The following PRAMEF2 variants were observed in gnomAD, a reference collection of about 807,000 sequenced individuals.
PRAMEF2 encodes PRAME family member 2.
Under a neutral mutation model 38.0 loss-of-function variants are expected in PRAMEF2, and 35 were observed. The ratio of observed to expected loss-of-function variants is 0.92; its 90% confidence interval spans 0.70 to 1.22. The LOEUF (loss-of-function observed/expected upper bound fraction) is 1.22. Ranked by LOEUF, PRAMEF2 falls within the 50% of genes most tolerant of loss-of-function variation. The pLI is 0.00. For missense variants in PRAMEF2, 562 were observed against 553.9 expected, an observed-to-expected ratio of 1.01 and a Z score of -0.15; for synonymous variants, 240 against 232.4, an observed-to-expected ratio of 1.03 and a Z score of -0.30.
rs1181673305 is a variant in PRAMEF2 at position 12,857,706 on chromosome 1, AT to A, written c.-26+569del. Among the ~76,000 whole-genome samples the A allele has an allele frequency of 1.3e-4, 18 of 136,292 alleles. 2 individuals are homozygous for A. Among genetic ancestry groups the A allele is most frequent in the Non-Finnish European group, 2.1e-4 (13 of 63,120 alleles). 89.4% of individuals were successfully genotyped at this position (136,292 alleles called of 152,430 possible). On this transcript the variant is annotated intron_variant, in intron 1 of 3. Transcript: ENST00000240189. ...GTAGCACTTTTACAGTTTCTGGTTGATTTTTTTTTTGAGATGGAGTTTCCCT... is the reference window on the plus strand; with the variant it reads ...GTAGCACTTTTACAGTTTCTGGTTGATTTTTTTTTGAGATGGAGTTTCCCT...
rs1321280866 is a variant in PRAMEF2 at position 12,861,280 on chromosome 1, A to G, written c.926A>G (p.Asp309Gly). The G allele has an allele frequency of 6.2e-7, 1 of 1,607,544 alleles. No homozygotes were observed. ...ACTTGTGGCAACCTATTAGAAGAGG[A>G]CTTGAAGTGTCTCTCCCAGTTCCCA... ...ELTCGNLLEEDLKCLSQFPSL... is the reference protein window; with the variant it reads ...ELTCGNLLEEGLKCLSQFPSL... Residue 309 changes from aspartate (D) to glycine (G), a missense_variant, in exon 4 of 4, where the codon GAC becomes GGC. Around this residue, in one of 2 missense-constraint regions of PRAMEF2, gnomAD observed 486 missense variants for 444.2 expected, o/e 1.09. Transcript: ENST00000240189.
chr1:12,858,738 T>C (rs1640485666), intron 1 of PRAMEF2, among the ~76,000 whole-genome samples: 1 of 149,778 alleles, frequency 6.7e-6, no homozygotes, highest in African/African-American at 2.4e-5. Flanking sequence ...TGGGATTCAG[T>C]GGAGCGAAGG....
chr1:12,858,248 A>C (rs1417790870), intron 1 of PRAMEF2, among the ~76,000 whole-genome samples: 1 of 149,602 alleles, frequency 6.7e-6, no homozygotes, highest in East Asian at 2.0e-4. Context: ...TATTTAAATT[A>C]ATTAATTTAT....
intron 1 of PRAMEF2, among the ~76,000 whole-genome samples, chr1:12,858,308 G>C (rs1356813761): frequency 2.0e-5 from 3 of 150,248 alleles, no homozygotes; most frequent in Admixed American, 6.8e-5. Context: ...CCAGGCTGGA[G>C]TGCAGTGGTG....
In PRAMEF2 at chr1:12,859,734, A is replaced by G. The variant is rs367740116; in HGVS notation, c.329A>G (p.Glu110Gly). ...LQVLDLRDVD[E>G]NFWARWPGAW... ...GTGCTGGATTTGCGGGATGTTGATG[A>G]GAATTTCTGGGCCAGATGGCCTGGA... Residue 110 changes from glutamate to glycine, a missense_variant, in exon 3 of 4, where the codon GAG becomes GGG. This residue lies in a region of PRAMEF2 where 486 missense variants were observed against 444.2 expected (regional missense o/e 1.09). Coordinates refer to ENST00000240189, the MANE Select transcript of PRAMEF2 (RefSeq NM_023014.1). 12 of 1,606,324 alleles carry G rather than the reference A, an allele frequency of 7.5e-6. No individual in the cohort carries two copies. The East Asian group carries it at 1.1e-4, about 15-fold the overall frequency.
chr1:12,860,211 T>C lies in PRAMEF2; in HGVS notation c.806T>C (p.Leu269Pro), dbSNP rs758749833. The C allele has an allele frequency of 8.1e-6, 13 of 1,606,842 alleles. 3 individuals carry two copies. In the African/African-American group the frequency reaches 1.8e-4, roughly 22 times the overall value. ...TCTGTGTTCCTCAGGCTGGAACACC[T>C]CCAGTTGCTTAAAATAAAATTGATC... is the stretch of plus-strand genomic sequence containing the variant. ...FTSVFLRLEH[L>P]QLLKIKLITF... The change falls in exon 3 of 4, where the codon CTC (leucine) becomes CCC (proline). Residue 269 changes from leucine (L) to proline (P), a missense_variant. Around this residue, in one of 2 missense-constraint regions of PRAMEF2, gnomAD observed 486 missense variants for 444.2 expected, o/e 1.09. Coordinates refer to ENST00000240189, the MANE Select transcript of PRAMEF2 (RefSeq NM_023014.1).
At chr1:12,857,680 G>A (rs1273566864) in intron 1 of PRAMEF2, among the ~76,000 whole-genome samples, 1 of 140,008 alleles carries the variant, frequency 7.1e-6, no homozygotes, top group East Asian at 2.0e-4. Context: ...AGAATAGCAT[G>A]GTAGCACTTT....
In PRAMEF2 at chr1:12,861,644, C is replaced by G. The variant is rs4350211; in HGVS notation, c.1290C>G (p.Phe430Leu). ...TGGTTCGTGTCAATTGGGAGATCTT[C>G]ACCCCACTTCGGGCTGAGCTGATGT... is the stretch of plus-strand genomic sequence containing the variant. The part of the protein sequence containing the change: ...NSLVRVNWEI[F>L]TPLRAELMCT... The change falls in exon 4 of 4, where the codon TTC (phenylalanine) becomes TTG (leucine). Residue 430 changes from phenylalanine (F) to leucine (L), a missense_variant. Around this residue, in one of 2 missense-constraint regions of PRAMEF2, gnomAD observed 76 missense variants for 109.6 expected, o/e 0.69. Coordinates refer to ENST00000240189, the MANE Select transcript of PRAMEF2 (RefSeq NM_023014.1). 1.7e-3 allele frequency: 2,669 copies of G among 1,591,270 alleles called. 96 individuals carry two copies. The African/African-American group carries it at 0.026, about 15-fold the overall frequency.
chr1:12,859,801 G>A lies in PRAMEF2; in HGVS notation c.396G>A (p.Arg132=), dbSNP rs1258357198. The A allele has an allele frequency of 5.6e-6, 9 of 1,607,182 alleles. No individual in the cohort carries two copies. The highest frequency in any genetic ancestry group is 5.1e-5 in the Admixed American group (3 of 58,366). The change falls in exon 3 of 4, where the codon AGG becomes AGA. Residue 132 remains arginine (R), a synonymous_variant. Transcript: ENST00000240189. ...GCTTCCCAGAGGCCATGAGTAAGAG[G>A]CAGACAGCAGAGGACTGTCCAAGGA... ...LSCFPEAMSK[R]QTAEDCPRTG...
At position 12,859,863 on chromosome 1, in the gene PRAMEF2, T is replaced by A. The variant is rs552729034; in HGVS notation, c.458T>A (p.Ile153Asn). Reference sequence around the variant, plus strand: ...CAGCCCTTAAAGGTGTTCATAGACATCTGCCTCAAGGAAATACCCCAGGAT... The same window carrying A: ...CAGCCCTTAAAGGTGTTCATAGACAACTGCCTCAAGGAAATACCCCAGGAT... ...EHQPLKVFID[I>N]CLKEIPQDEC... is the part of the protein sequence containing the mutation. Residue 153 changes from isoleucine (I) to asparagine (N), a missense_variant, in exon 3 of 4, where the codon ATC becomes AAC. By Grantham distance (149) the Ile-to-Asn change is moderately radical. Coordinates refer to ENST00000240189, the MANE Select transcript of PRAMEF2 (RefSeq NM_023014.1). 1.6e-4 allele frequency: 264 copies of A among 1,607,856 alleles called. 30 individuals are homozygous for A. The Admixed American group carries it at 4.4e-3, about 27-fold the overall frequency.
chr1:12,860,042 C>A lies in PRAMEF2; in HGVS notation c.637C>A (p.His213Asn), dbSNP rs778765015. Residue 213 changes from histidine (H) to asparagine (N), a missense_variant, in exon 3 of 4, where the codon CAC becomes AAC. Physicochemically the swap from His to Asn is moderately conservative, Grantham distance 68. This residue lies in a region of PRAMEF2 where 486 missense variants were observed against 444.2 expected (regional missense o/e 1.09). Transcript: ENST00000240189. ...YINSIGELEI[H>N]NTCWPHLIRK... ...TAATAGTATTGGGGAGCTGGAAATTCACAACACGTGCTGGCCACATCTGAT... is the reference window on the plus strand; with the variant it reads ...TAATAGTATTGGGGAGCTGGAAATTAACAACACGTGCTGGCCACATCTGAT... 2.5e-6 allele frequency: 4 copies of A among 1,606,374 alleles called. No individual in the cohort carries two copies. The East Asian group carries it at 9.0e-5, about 36-fold the overall frequency.
rs201144653 is a variant in PRAMEF2, at chr1:12,860,284, T to G, written c.866+13T>G. The stretch of plus-strand genomic sequence containing the variant: ...AACAGCTGATCAGGTGAGAAAGGAT[T>G]GTGCACTTTGTATGCAGACCACAGC... On this transcript the variant is annotated intron_variant, in intron 3 of 3. Coordinates refer to ENST00000240189, the MANE Select transcript of PRAMEF2 (RefSeq NM_023014.1). 4 of 1,589,452 alleles carry G rather than the reference T, an allele frequency of 2.5e-6. 1 individual carries two copies. In the African/African-American group the frequency reaches 5.5e-5, roughly 22 times the overall value.
Position 12,859,026 on chromosome 1 carries a change from C to G in PRAMEF2, c.17C>G (p.Pro6Arg), listed in dbSNP as rs1336073077. 1 of 1,603,686 alleles carries G rather than the reference C, an allele frequency of 6.2e-7. No homozygotes were observed. The highest frequency in any genetic ancestry group is 1.7e-5 in the Admixed American group (1 of 57,414). MSIQA[P>R]PRLLELAGQS... ...TCCATCAGGATGAGCATCCAGGCCC[C>G]ACCGAGACTACTGGAGCTGGCGGGG... The change falls in exon 2 of 4, where the codon CCA becomes CGA. Residue 6 changes from proline to arginine, a missense_variant. Physicochemically the swap from Pro to Arg is moderately radical, Grantham distance 103 (BLOSUM62 -2). Transcript: ENST00000240189.
At chr1:12,858,376 A>G (rs1640480465) in intron 1 of PRAMEF2, among the ~76,000 whole-genome samples, 2 of 150,058 alleles carry the variant, frequency 1.3e-5, no homozygotes, top group Non-Finnish European at 3.0e-5. Context: ...TAACTTTTGT[A>G]TATTTAGTAG....
chr1:12,859,251 T>C lies in PRAMEF2; in HGVS notation c.242T>C (p.Leu81Ser). ...KTLHLEPLKALLEGLHMLLTQ... is the reference protein window; with the variant it reads ...KTLHLEPLKASLEGLHMLLTQ... ...CTTCATCTGGAGCCATTGAAAGCAT[T>C]GCTGGAAGGGCTTCATATGCTGCTT... The change falls in exon 2 of 4, where the codon TTG becomes TCG. Residue 81 changes from leucine (L) to serine (S), a missense_variant. Physicochemically the swap from Leu to Ser is moderately radical, Grantham distance 145. This residue lies in a region of PRAMEF2 where 486 missense variants were observed against 444.2 expected (regional missense o/e 1.09). Transcript: ENST00000240189. 6.2e-7 allele frequency: 1 copy of C among 1,610,454 alleles called. No homozygotes were observed. Among genetic ancestry groups the C allele is most frequent in the Non-Finnish European group, 8.5e-7 (1 of 1,178,782 alleles).
rs200248611 is a variant in PRAMEF2, at chr1:12,859,763, T to C, written c.358T>C (p.Trp120Arg). 1 of 1,594,820 alleles carries C rather than the reference T, an allele frequency of 6.3e-7. No individual in the cohort carries two copies. Among genetic ancestry groups the C allele is most frequent in the Non-Finnish European group, 8.6e-7 (1 of 1,169,292 alleles). Residue 120 changes from tryptophan (W) to arginine (R), a missense_variant, in exon 3 of 4, where the codon TGG becomes CGG. Coordinates refer to ENST00000240189, the MANE Select transcript of PRAMEF2 (RefSeq NM_023014.1). ...ENFWARWPGA[W>R]ALSCFPEAMS... is the part of the protein sequence containing the mutation. ...TTTCTGGGCCAGATGGCCTGGAGCC[T>C]GGGCCCTGTCCTGCTTCCCAGAGGC...
At position 12,859,341 on chromosome 1, in the gene PRAMEF2, G is replaced by A. The variant is rs780809430; in HGVS notation, c.287+45G>A. 7.5e-6 allele frequency: 12 copies of A among 1,606,442 alleles called. 1 individual carries two copies. The Admixed American group carries it at 2.1e-4, about 28-fold the overall frequency. On this transcript the variant is annotated intron_variant, in intron 2 of 3. Coordinates refer to ENST00000240189, the MANE Select transcript of PRAMEF2 (RefSeq NM_023014.1). ...CTAGTAGATAGGGCTCAGGTGTCCA[G>A]GGAAAGAACAGCAGGGTCAGGCAGA...
chr1:12,860,007 T>C lies in PRAMEF2; in HGVS notation c.602T>C (p.Ile201Thr), dbSNP rs764325968. ...AAATATCTCAGAAAGTCATTGAAAA[T>C]AATATACATTAATAGTATTGGGGAG... ...PIKYLRKSLK[I>T]IYINSIGELE... The change falls in exon 3 of 4, where the codon ATA becomes ACA. Residue 201 changes from isoleucine (I) to threonine (T), a missense_variant. Ile to Thr is a moderately conservative substitution (Grantham distance 89). Coordinates refer to ENST00000240189, the MANE Select transcript of PRAMEF2 (RefSeq NM_023014.1). 5.0e-6 allele frequency: 8 copies of C among 1,606,988 alleles called. No homozygotes were observed. In the Admixed American group the frequency reaches 1.4e-4, roughly 28 times the overall value.
At chr1:12,857,981 A>G (rs1736804) in intron 1 of PRAMEF2, among the ~76,000 whole-genome samples, 2,955 of 123,648 alleles carry the variant, frequency 0.024, 114 homozygotes, top group East Asian at 0.053. Context: ...TTACAGGAGT[A>G]AGCCAGCATG....
Sources: gnomAD v4.1 joint callset for allele counts (sites outside exome capture counted in the v4.1 genomes callset) on GRCh38, gnomAD v4.1.1 for gene constraint, gnomAD v4.1.1 regional missense constraint, MANE v1.5 for transcripts, NCBI Gene and HGNC (gene_info 2026-07-23, HGNC 2026-07-21) for gene names.